Variants in PCNX1 observed in about 807,000 individuals in gnomAD.
PCNX1 encodes pecanex-like protein 1.
In PCNX1, 78 loss-of-function variants were observed where a neutral mutation model predicts 242.2. The observed-to-expected ratio is 0.32, with a 90% CI of 0.27 to 0.39. The LOEUF (loss-of-function observed/expected upper bound fraction) is 0.39, where lower values mean the gene tolerates loss of function less well. PCNX1 is among the 10% of genes least tolerant of loss of function. PCNX1 has a pLI of 1.00. For missense variants in PCNX1, 2,581 were observed against 2,856.5 expected (o/e 0.90, Z 2.20); for synonymous variants, 1,024 against 1,032.9 (o/e 0.99, Z 0.17).
intron 20 of PCNX1, among the ~76,000 whole-genome samples, chr14:71,046,507 C>A (rs1027110017): frequency 1.3e-5 from 2 of 151,770 alleles, no homozygotes; most frequent in African/African-American, 2.4e-5. Flanking sequence ...AGCCAAAGAA[C>A]CATGTTTTAA....
intron 26 of PCNX1, among the ~76,000 whole-genome samples, chr14:71,065,885 G>T (rs929790989): frequency 2.8e-4 from 42 of 152,198 alleles, no homozygotes; most frequent in African/African-American, 9.9e-4. Context: ...TTTCCCCATT[G>T]CTTGTTTTTG....
At chr14:71,055,693 ATTTG>A (rs780013386) in intron 25 of PCNX1, 131 bp downstream of exon 25, 6 of 552,388 alleles carry the variant, frequency 1.1e-5, no homozygotes, top group Admixed American at 5.6e-5. Flanking sequence ...ACTAAATATT[ATTTG>A]TTTTACTTTA....
At position 71,111,868 on chromosome 14, in the gene PCNX1, T is replaced by C. The variant is rs2062759125; in HGVS notation, c.*1933T>C. 6.6e-6 allele frequency: 1 copy of C among 152,472 alleles called. No homozygotes were observed. The highest frequency in any genetic ancestry group is 2.4e-5 in the African/African-American group (1 of 41,462). 9.4% of individuals were successfully genotyped at this position (152,472 alleles called of 1,614,324 possible). ...TTTATACAAAAGTACCCTTTCTAAA[T>C]TGACCATTTAAAAATGTATTTTTGT... is the stretch of plus-strand genomic sequence containing the variant. On this transcript the variant is annotated 3_prime_UTR_variant, in exon 36 of 36. Coordinates refer to ENST00000304743, the MANE Select transcript of PCNX1 (RefSeq NM_014982.3).
At chr14:71,014,168 C>A (rs1376507090) in intron 11 of PCNX1, among the ~76,000 whole-genome samples, 1 of 152,132 alleles carries the variant, frequency 6.6e-6, no homozygotes, top group Non-Finnish European at 1.5e-5. Flanking sequence ...GTGTAGAATA[C>A]TCAGGAAGAT....
chr14:71,072,831 T>C (rs910822909), intron 26 of PCNX1, among the ~76,000 whole-genome samples: 1 of 152,218 alleles, frequency 6.6e-6, no homozygotes, highest in African/African-American at 2.4e-5. Context: ...TTTAATCTGT[T>C]TTTGTATTTT....
intron 5 of PCNX1, among the ~76,000 whole-genome samples, chr14:70,974,250 T>G (rs1261361828): frequency 2.0e-5 from 3 of 149,756 alleles, no homozygotes; most frequent in Non-Finnish European, 4.5e-5. Context: ...TGTTGTTTTT[T>G]TTTTTTTTTT....
At chr14:71,015,813 T>C (rs1431448767) in intron 11 of PCNX1, among the ~76,000 whole-genome samples, 2 of 151,954 alleles carry the variant, frequency 1.3e-5, no homozygotes, top group Non-Finnish European at 2.9e-5. Flanking sequence ...GACAAGATGA[T>C]AGAGTCAGAA....
At chr14:71,050,861 A>G (rs1003874415) in intron 23 of PCNX1, 101 bp downstream of exon 23, 7 of 1,093,206 alleles carry the variant, frequency 6.4e-6, no homozygotes, top group Middle Eastern at 2.4e-4. Flanking sequence ...TTACTGTGTA[A>G]TGAATTATCA....
chr14:71,039,324 C>G (rs2141018934), intron 19 of PCNX1, among the ~76,000 whole-genome samples: 1 of 152,214 alleles, frequency 6.6e-6, no homozygotes, highest in Admixed American at 6.5e-5. Flanking sequence ...GCTTCTAGCT[C>G]AGGATCTTTC....
At chr14:71,100,160 G>A (rs992076812) in intron 30 of PCNX1, among the ~76,000 whole-genome samples, 12 of 152,194 alleles carry the variant, frequency 7.9e-5, no homozygotes, top group East Asian at 3.9e-4. Context: ...TGGTTGCTTC[G>A]TAGTTCTACT....
chr14:71,080,682 T>C (rs1011986304), intron 28 of PCNX1, among the ~76,000 whole-genome samples: 1 of 152,246 alleles, frequency 6.6e-6, no homozygotes. Flanking sequence ...CTGTTATTGC[T>C]GTATAGGAAT....
At position 71,070,985 on chromosome 14, in the gene PCNX1, T is replaced by C. The variant is rs540027714; in HGVS notation, c.4853-2560T>C. On this transcript the variant is annotated intron_variant, in intron 26 of 35. Transcript: ENST00000304743. ...TTCATCAGTGATCTTAGCTAGATCTTCTGGATAATTTGCTGCAGCTTTAAC... is the reference window on the plus strand; with the variant it reads ...TTCATCAGTGATCTTAGCTAGATCTCCTGGATAATTTGCTGCAGCTTTAAC... 3.3e-5 allele frequency among the ~76,000 whole-genome samples: 5 copies of C among 152,368 alleles called. No individual in the cohort carries two copies. In the South Asian group the frequency reaches 1.0e-3, roughly 32 times the overall value.
intron 1 of PCNX1, among the ~76,000 whole-genome samples, chr14:70,934,674 TC>T (rs2056931512): frequency 6.6e-6 from 1 of 152,202 alleles, no homozygotes; most frequent in Non-Finnish European, 1.5e-5. Context: ...TTCCAAACTT[TC>T]CCAGATCTTC....
At chr14:71,085,389 TA>T (rs2061960122) in intron 28 of PCNX1, 1 of 152,284 alleles carries the variant, frequency 6.6e-6, no homozygotes, top group African/African-American at 2.4e-5. Context: ...TTTCATGATT[TA>T]AAAAAATCTA....
intron 31 of PCNX1, among the ~76,000 whole-genome samples, 154 bp from the exon 32 acceptor site, chr14:71,103,241 C>T (rs2062510949): frequency 6.6e-6 from 1 of 152,188 alleles, no homozygotes; most frequent in South Asian, 2.1e-4. Flanking sequence ...AAATTGGCTA[C>T]CTCCTATTTA....
chr14:71,084,514 T>C (rs1257452617), intron 28 of PCNX1, among the ~76,000 whole-genome samples: 2 of 152,196 alleles, frequency 1.3e-5, no homozygotes, highest in Non-Finnish European at 2.9e-5. Flanking sequence ...AGCCGCTGAC[T>C]GGGGCTGCTG....
intron 27 of PCNX1, among the ~76,000 whole-genome samples, chr14:71,075,642 A>G (rs998431496): frequency 1.3e-4 from 20 of 152,280 alleles, no homozygotes; most frequent in African/African-American, 3.6e-4. Flanking sequence ...GATACCTGCA[A>G]TCCCAGCACT....
intron 32 of PCNX1, among the ~76,000 whole-genome samples, chr14:71,104,483 C>A (rs2062554253): frequency 6.6e-6 from 1 of 152,114 alleles, no homozygotes; most frequent in Non-Finnish European, 1.5e-5. Flanking sequence ...GCCCAATTGT[C>A]CTCGTTTGCT....
chr14:71,068,522 A>G (rs1053426276), intron 26 of PCNX1, among the ~76,000 whole-genome samples: 4 of 149,200 alleles, frequency 2.7e-5, no homozygotes, highest in African/African-American at 9.8e-5. Context: ...GTATACATAC[A>G]TATACTGTGT....
Sources: gnomAD v4.1 joint callset for allele counts (sites outside exome capture counted in the v4.1 genomes callset) on GRCh38, gnomAD v4.1.1 for gene constraint, MANE v1.5 for transcripts, NCBI Gene and HGNC (gene_info 2026-07-23, HGNC 2026-07-21) for gene names.